ARMC8: variants seen among roughly 807,000 people sequenced by gnomAD.
The protein encoded by ARMC8 is armadillo repeat-containing protein 8.
A neutral mutation model predicts 99.3 loss-of-function variants in ARMC8; 20 were observed. The observed-to-expected ratio is 0.20, with a 90% CI of 0.14 to 0.29. The LOEUF (loss-of-function observed/expected upper bound fraction) is 0.29. ARMC8 is among the 10% of genes least tolerant of loss of function. The pLI is 1.00. For missense variants in ARMC8, 569 were observed against 809.5 expected, an observed-to-expected ratio of 0.70 and a Z score of 3.60; for synonymous variants, 263 against 278.3, an observed-to-expected ratio of 0.95 and a Z score of 0.55.
chr3:138,254,961 CTCT>C (rs1436940681), intron 12 of ARMC8, among the ~76,000 whole-genome samples: 2 of 152,128 alleles, frequency 1.3e-5, no homozygotes, highest in African/African-American at 4.8e-5. Flanking sequence ...ATATGTACCC[CTCT>C]TCTTTATCTT....
intron 5 of ARMC8, among the ~76,000 whole-genome samples, chr3:138,225,383 A>G (rs1288585084): frequency 6.6e-6 from 1 of 152,216 alleles, no homozygotes; most frequent in African/African-American, 2.4e-5. Context: ...TGCTGGGATT[A>G]CAGGCGTGTG....
intron 17 of ARMC8, 22 bp from the exon 18 acceptor site, chr3:138,274,426 AT>A (rs1418938538): frequency 2.7e-6 from 4 of 1,470,618 alleles, no homozygotes; most frequent in Non-Finnish European, 3.8e-6. Context: ...TTTGATAATT[AT>A]GGATTTCCCA....
intron 6 of ARMC8, 39 bp from the exon 7 acceptor site, chr3:138,234,995 A>G (rs761400780): frequency 1.3e-6 from 2 of 1,506,720 alleles, no homozygotes; most frequent in Non-Finnish European, 1.8e-6. Flanking sequence ...ATGAGTCATT[A>G]CTCTTCTAAA....
intron 10 of ARMC8, among the ~76,000 whole-genome samples, chr3:138,241,370 A>G (rs187007993): frequency 2.1e-3 from 319 of 152,352 alleles, no homozygotes; most frequent in Non-Finnish European, 2.3e-3. Flanking sequence ...AAGAGATAGC[A>G]TACTTTTCCT....
intron 12 of ARMC8, 142 bp from the exon 13 acceptor site, chr3:138,263,597 G>A (rs766203838): frequency 6.2e-5 from 46 of 743,864 alleles, no homozygotes; most frequent in Non-Finnish European, 8.9e-5. Context: ...CGCCCCCAGC[G>A]CAAGATGATT....
intron 3 of ARMC8, among the ~76,000 whole-genome samples, chr3:138,222,328 T>G (rs1317038098): frequency 1.3e-5 from 2 of 152,182 alleles, no homozygotes; most frequent in Non-Finnish European, 2.9e-5. Context: ...CAGTTTTTTG[T>G]GTGAGTGGGT....
intron 1 of ARMC8, chr3:138,188,669 C>A: frequency 9.1e-7 from 1 of 1,103,752 alleles, no homozygotes; most frequent in Non-Finnish European, 1.4e-6. Context: ...TTCCTAGAGT[C>A]TTGTAACTAC....
At chr3:138,282,003 G>A (rs941255969) in intron 18 of ARMC8, among the ~76,000 whole-genome samples, 1 of 152,184 alleles carries the variant, frequency 6.6e-6, no homozygotes, top group South Asian at 2.1e-4. Flanking sequence ...AAATGGTGGA[G>A]AGATGGAGAA....
At chr3:138,249,680 C>T (rs1382942569) in intron 12 of ARMC8, among the ~76,000 whole-genome samples, 1 of 152,084 alleles carries the variant, frequency 6.6e-6, no homozygotes, top group African/African-American at 2.4e-5. Flanking sequence ...AGATCAGTTA[C>T]TCAATTCTGC....
intron 2 of ARMC8, among the ~76,000 whole-genome samples, chr3:138,214,274 T>C (rs2044878477): frequency 6.6e-6 from 1 of 152,038 alleles, no homozygotes; most frequent in Non-Finnish European, 1.5e-5. Context: ...TTTCAGAGTT[T>C]AATAGAATTA....
intron 1 of ARMC8, among the ~76,000 whole-genome samples, chr3:138,200,402 A>G (rs1168191906): frequency 1.3e-5 from 2 of 152,240 alleles, no homozygotes; most frequent in Non-Finnish European, 1.5e-5. Context: ...CTTTATTCAC[A>G]TGAGTTACAT....
chr3:138,208,413 G>A (rs535218667), intron 1 of ARMC8, among the ~76,000 whole-genome samples: 1 of 152,340 alleles, frequency 6.6e-6, no homozygotes, highest in South Asian at 2.1e-4. Context: ...TTGCAAGTGA[G>A]CCAAGATCAT....
intron 1 of ARMC8, 140 bp downstream of exon 1, chr3:138,187,739 G>A (rs2043144676): frequency 1.1e-6 from 1 of 898,726 alleles, no homozygotes; most frequent in Non-Finnish European, 1.7e-6. Context: ...GGGAGTGAGC[G>A]AGGGTGGAGA....
intron 1 of ARMC8, among the ~76,000 whole-genome samples, chr3:138,198,792 A>G (rs1319673143): frequency 6.6e-6 from 1 of 151,856 alleles, no homozygotes; most frequent in Non-Finnish European, 1.5e-5. Flanking sequence ...GATTACAGGC[A>G]TGAGCCACTG....
At chr3:138,246,642 C>G (rs1266065027) in intron 12 of ARMC8, 1 of 985,744 alleles carries the variant, frequency 1.0e-6, no homozygotes, top group East Asian at 1.1e-4. Context: ...GGTAGATAGA[C>G]AGATGGACCA....
At chr3:138,225,819 G>A (rs186256605) in intron 5 of ARMC8, among the ~76,000 whole-genome samples, 1 of 152,140 alleles carries the variant, frequency 6.6e-6, no homozygotes, top group Admixed American at 6.5e-5. Context: ...GTAAGTAATC[G>A]AGGAATAGGC....
chr3:138,192,497 T>C (rs2043452039), intron 1 of ARMC8, among the ~76,000 whole-genome samples: 1 of 152,104 alleles, frequency 6.6e-6, no homozygotes, highest in Admixed American at 6.5e-5. Context: ...CAGGATAGTC[T>C]CAATCTCCTG....
At chr3:138,245,984 A>C (rs1226100013) in intron 12 of ARMC8, 1 of 985,232 alleles carries the variant, frequency 1.0e-6, no homozygotes, top group East Asian at 1.1e-4. Context: ...AGAAAGAGCA[A>C]ATTAGTCATT....
At chr3:138,280,573 A>C (rs1417099617) in intron 18 of ARMC8, among the ~76,000 whole-genome samples, 4 of 146,218 alleles carry the variant, frequency 2.7e-5, no homozygotes, top group Admixed American at 6.9e-5. Flanking sequence ...GGCTCACTGC[A>C]AGCTCCGTCT....
Sources: gnomAD v4.1 joint callset for allele counts (sites outside exome capture counted in the v4.1 genomes callset) on GRCh38, gnomAD v4.1.1 for gene constraint, MANE v1.5 for transcripts, NCBI Gene and HGNC (gene_info 2026-07-23, HGNC 2026-07-21) for gene names.